The following CYP2C18 variants were observed in gnomAD, a reference collection of about 807,000 sequenced individuals.
CYP2C18 encodes cytochrome P450 2C18.
Under a neutral mutation model 41.3 loss-of-function variants are expected in CYP2C18, and 38 were observed. The ratio of observed to expected loss-of-function variants is 0.92; its 90% CI spans 0.71 to 1.21. CYP2C18 has a LOEUF of 1.21. Ranked by LOEUF, CYP2C18 falls within the 50% of genes most tolerant of loss-of-function variation. The pLI, the probability that CYP2C18 is intolerant of heterozygous loss-of-function variation, is 0.00. For synonymous variants in CYP2C18, 236 were observed against 210.0 expected (o/e 1.12, Z -1.07); for missense variants, 635 against 591.4 (o/e 1.07, Z -0.77).
chr10:94,684,695 A>C (rs1846852021), intron 1 of CYP2C18, among the ~76,000 whole-genome samples: 1 of 152,148 alleles, frequency 6.6e-6, no homozygotes, highest in African/African-American at 2.4e-5. Context: ...TACTGACTTC[A>C]ATTCCTTTGG....
Position 94,735,782 on chromosome 10 carries a change from T to A in CYP2C18, c.*338T>A. ...AATTCAGAGCCATTTATTCTCTGCATGCTCTAGATAAAAATGATTATTATT... is the reference window on the plus strand; with the variant it reads ...AATTCAGAGCCATTTATTCTCTGCAAGCTCTAGATAAAAATGATTATTATT... On this transcript the variant is annotated 3_prime_UTR_variant, in exon 9 of 9. Transcript: ENST00000285979. The A allele has an allele frequency of 4.5e-6, 1 of 223,530 alleles. No homozygotes were observed. The highest frequency in any genetic ancestry group is 1.2e-4 in the South Asian group (1 of 8,080). The allele number at this position is 223,530 out of a possible 1,614,324, so 13.8% of individuals were successfully genotyped here.
At chr10:94,702,388 G>T (rs1478640905) in intron 4 of CYP2C18, among the ~76,000 whole-genome samples, 1 of 151,994 alleles carries the variant, frequency 6.6e-6, no homozygotes, top group Non-Finnish European at 1.5e-5. Flanking sequence ...CATATGTTTG[G>T]TCTTTTCACT....
intron 1 of CYP2C18, among the ~76,000 whole-genome samples, chr10:94,685,112 C>CA: frequency 6.6e-6 from 1 of 152,062 alleles, no homozygotes; most frequent in East Asian, 1.9e-4. Flanking sequence ...ATGGTCCCTG[C>CA]AGCCTTGAGC....
At chr10:94,718,125 TTTAA>T (rs1355156198) in intron 5 of CYP2C18, among the ~76,000 whole-genome samples, 7 of 152,064 alleles carry the variant, frequency 4.6e-5, no homozygotes, top group Non-Finnish European at 8.8e-5. Context: ...TCTTCATTTT[TTTAA>T]TTAATATTTT....
intron 3 of CYP2C18, among the ~76,000 whole-genome samples, chr10:94,690,541 A>G (rs902367508): frequency 2.0e-5 from 3 of 152,184 alleles, no homozygotes; most frequent in Admixed American, 6.5e-5. Flanking sequence ...GGCAATAATT[A>G]ATAGCTTACC....
At position 94,706,781 on chromosome 10, in the gene CYP2C18, A is replaced by T; in HGVS notation, c.643-3A>T. On this transcript the variant is annotated splice_polypyrimidine_tract_variant and splice_region_variant and intron_variant, in intron 4 of 8. Coordinates refer to ENST00000285979, the MANE Select transcript of CYP2C18 (RefSeq NM_000772.3). ...ATTTAATTAATTTTTAAAAATCTTT[A>T]AGGTCTGCAATAATTTCCCTGCTCT... 2 of 1,522,714 alleles carry T rather than the reference A, an allele frequency of 1.3e-6. No homozygotes were observed. The highest frequency in any genetic ancestry group is 4.5e-5 in the East Asian group (2 of 44,072). 94.3% of individuals were successfully genotyped at this position (1,522,714 alleles called of 1,614,324 possible).
intron 5 of CYP2C18, among the ~76,000 whole-genome samples, chr10:94,713,199 T>A (rs1171855665): frequency 1.3e-5 from 2 of 152,210 alleles, no homozygotes; most frequent in Non-Finnish European, 2.9e-5. Flanking sequence ...TTTTTAATTA[T>A]ACTTTAAGTT....
chr10:94,703,804 G>C (rs190789988), intron 4 of CYP2C18, among the ~76,000 whole-genome samples: 1 of 152,294 alleles, frequency 6.6e-6, no homozygotes, highest in Non-Finnish European at 1.5e-5. Flanking sequence ...TTTGTAGCTA[G>C]CTTGGTGTCT....
rs1299094053 is a variant in CYP2C18, at chr10:94,733,384, C to G, written c.1237C>G (p.Leu413Val). Residue 413 changes from leucine (L) to valine (V), a missense_variant, in exon 8 of 9, where the codon CTG (leucine) becomes GTG (valine). Physicochemically the swap from Leu to Val is conservative, Grantham distance 32. Coordinates refer to ENST00000285979, the MANE Select transcript of CYP2C18 (RefSeq NM_000772.3). The stretch of plus-strand genomic sequence containing the variant: ...AGAGATGTTTGACCCTGGCCACTTT[C>G]TGGATAAGAGTGGCAACTTTAAGAA... Reference protein sequence around the residue: ...NPEMFDPGHFLDKSGNFKKSD... With the variant: ...NPEMFDPGHFVDKSGNFKKSD... The G allele has an allele frequency of 6.2e-7, 1 of 1,613,396 alleles. No homozygotes were observed. The highest frequency in any genetic ancestry group is 1.3e-5 in the African/African-American group (1 of 74,972).
intron 4 of CYP2C18, among the ~76,000 whole-genome samples, chr10:94,706,445 C>T (rs1847344256): frequency 6.6e-6 from 1 of 152,114 alleles, no homozygotes; most frequent in Non-Finnish European, 1.5e-5. Context: ...CTGTTCTTAT[C>T]TGTAAAATGG....
chr10:94,687,859 C>T lies in CYP2C18; in HGVS notation c.258C>T (p.Ala86=). Residue 86 remains alanine (A), a synonymous_variant, in exon 2 of 9, where the codon GCC becomes GCT. Coordinates refer to ENST00000285979, the MANE Select transcript of CYP2C18 (RefSeq NM_000772.3). ...ATGGATATGAAGCAGTGAAGGAGGC[C>T]CTGATTGATCATGGAGAGGAGTTTT... ...VLHGYEAVKE[A]LIDHGEEFSG... 1 of 1,613,714 alleles carries T rather than the reference C, an allele frequency of 6.2e-7. No individual in the cohort carries two copies. Among genetic ancestry groups the T allele is most frequent in the Non-Finnish European group, 8.5e-7 (1 of 1,179,770 alleles).
chr10:94,698,416 T>A (rs1847165005), intron 4 of CYP2C18, among the ~76,000 whole-genome samples: 1 of 152,144 alleles, frequency 6.6e-6, no homozygotes, highest in East Asian at 1.9e-4. Flanking sequence ...GAAATAAAAA[T>A]GTTCTTTGAA....
chr10:94,688,014 G>T (rs1846924497), intron 2 of CYP2C18, 82 bp downstream of exon 2: 4 of 1,594,814 alleles, frequency 2.5e-6, no homozygotes, highest in African/African-American at 1.3e-5. Flanking sequence ...TGGAAAACAG[G>T]CTTGAAGAGC....
intron 7 of CYP2C18, among the ~76,000 whole-genome samples, chr10:94,730,715 A>G (rs2134210429): frequency 6.6e-6 from 1 of 152,314 alleles, no homozygotes; most frequent in South Asian, 2.1e-4. Context: ...ACGTATTCAA[A>G]TAGGAAAAGA....
chr10:94,702,334 A>C (rs1393069972), intron 4 of CYP2C18, among the ~76,000 whole-genome samples: 2 of 152,232 alleles, frequency 1.3e-5, no homozygotes, highest in African/African-American at 4.8e-5. Flanking sequence ...GTGTTTTCCA[A>C]CTTGGTTCCA....
intron 5 of CYP2C18, among the ~76,000 whole-genome samples, chr10:94,712,888 G>T (rs543299602): frequency 2.6e-4 from 39 of 152,296 alleles, no homozygotes; most frequent in African/African-American, 8.7e-4. Flanking sequence ...TCTAACAGAT[G>T]TGAGGTGATA....
At position 94,706,804 on chromosome 10, in the gene CYP2C18, T is replaced by C; in HGVS notation, c.663T>C (p.Ala221=). The C allele has an allele frequency of 6.3e-7, 1 of 1,595,052 alleles. No individual in the cohort carries two copies. The highest frequency in any genetic ancestry group is 8.6e-7 in the Non-Finnish European group (1 of 1,167,284). ...TTAAGGTCTGCAATAATTTCCCTGC[T>C]CTCATCGATTATCTCCCAGGAAGTC... ...PWIQVCNNFP[A]LIDYLPGSHN... is the part of the protein sequence containing the mutation. Residue 221 remains alanine, a synonymous_variant, in exon 5 of 9, where the codon GCT becomes GCC. Coordinates refer to ENST00000285979, the MANE Select transcript of CYP2C18 (RefSeq NM_000772.3).
intron 5 of CYP2C18, among the ~76,000 whole-genome samples, chr10:94,712,547 T>C (rs1847458311): frequency 6.6e-6 from 1 of 152,178 alleles, no homozygotes; most frequent in Non-Finnish European, 1.5e-5. Context: ...TGAATAGTAT[T>C]CTATTGTGTA....
intron 6 of CYP2C18, among the ~76,000 whole-genome samples, chr10:94,721,859 A>T (rs1353194558): frequency 6.6e-6 from 1 of 152,014 alleles, no homozygotes; most frequent in African/African-American, 2.4e-5. Flanking sequence ...AGAATACTAG[A>T]TGCAGATTTT....
Sources: allele counts gnomAD v4.1 joint callset (sites outside exome capture counted in the v4.1 genomes callset), GRCh38; gene constraint gnomAD v4.1.1; transcripts MANE v1.5; gene names NCBI Gene and HGNC (gene_info 2026-07-23, HGNC 2026-07-21).